MICU1: variants seen among roughly 807,000 people sequenced by gnomAD.
The protein encoded by MICU1 is calcium uptake protein 1, mitochondrial.
MICU1 carries 45 observed loss-of-function variants against 56.8 expected under a neutral mutation model. The observed-to-expected ratio is 0.79, with a 90% CI of 0.62 to 1.02. MICU1 has a LOEUF of 1.02. MICU1 is among the 50% of genes least tolerant of loss of function. The pLI is 0.00. For synonymous variants in MICU1, 186 were observed against 195.1 expected (o/e 0.95, Z 0.39); for missense variants, 504 against 587.1 (o/e 0.86, Z 1.46).
chr10:72,517,238 A>C (rs1475158737), intron 5 of MICU1, among the ~76,000 whole-genome samples: 2 of 152,146 alleles, frequency 1.3e-5, no homozygotes, highest in African/African-American at 2.4e-5. Flanking sequence ...CAAAGACCTG[A>C]TTCTACCATT....
chr10:72,401,021 A>G (rs927960647), intron 10 of MICU1, among the ~76,000 whole-genome samples: 2 of 151,954 alleles, frequency 1.3e-5, no homozygotes, highest in African/African-American at 4.8e-5. Context: ...CTGGCCTTAA[A>G]CTACTCCTGG....
intron 1 of MICU1, among the ~76,000 whole-genome samples, chr10:72,593,682 G>A (rs1288344105): frequency 1.3e-5 from 2 of 152,116 alleles, no homozygotes; most frequent in Non-Finnish European, 2.9e-5. Context: ...ATGTTTTGCA[G>A]GATACAAAGT....
intron 9 of MICU1, among the ~76,000 whole-genome samples, chr10:72,409,881 T>A (rs1024764222): frequency 6.6e-6 from 1 of 152,062 alleles, no homozygotes; most frequent in South Asian, 2.1e-4. Context: ...TTCATTTAGG[T>A]CAAGGAACAG....
At chr10:72,556,073 C>T (rs1394654821) in intron 3 of MICU1, among the ~76,000 whole-genome samples, 1 of 152,110 alleles carries the variant, frequency 6.6e-6, no homozygotes, top group African/African-American at 2.4e-5. Context: ...AAGTAGCAGG[C>T]AGAAAGGTTT....
At chr10:72,484,347 C>T (rs1589265957) in intron 6 of MICU1, among the ~76,000 whole-genome samples, 1 of 151,582 alleles carries the variant, frequency 6.6e-6, no homozygotes, top group East Asian at 1.9e-4. Context: ...TTCTTCTTAG[C>T]TCTGCTCCTT....
chr10:72,489,743 A>C (rs1248327650), intron 6 of MICU1, among the ~76,000 whole-genome samples: 3 of 152,210 alleles, frequency 2.0e-5, no homozygotes, highest in African/African-American at 7.2e-5. Flanking sequence ...ATCAGAATTA[A>C]ATGTGAAATC....
intron 8 of MICU1, among the ~76,000 whole-genome samples, chr10:72,441,609 A>AT (rs1470839651): frequency 1.8e-5 from 2 of 111,398 alleles, no homozygotes; most frequent in African/African-American, 3.0e-5. Context: ...CTTATTTTTA[A>AT]TTTTTCTTTT....
intron 5 of MICU1, among the ~76,000 whole-genome samples, chr10:72,531,235 G>T (rs1460972340): frequency 6.6e-6 from 1 of 151,972 alleles, no homozygotes; most frequent in African/African-American, 2.4e-5. Context: ...AAAAATCAAA[G>T]CAAGTCTAAA....
chr10:72,451,590 C>A (rs1167088367), intron 8 of MICU1, among the ~76,000 whole-genome samples: 1 of 152,110 alleles, frequency 6.6e-6, no homozygotes, highest in Non-Finnish European at 1.5e-5. Flanking sequence ...CTCACCCAGG[C>A]TGGAGTCCAT....
At chr10:72,391,739 T>C (rs778598691) in intron 10 of MICU1, among the ~76,000 whole-genome samples, 5 of 152,136 alleles carry the variant, frequency 3.3e-5, no homozygotes, top group African/African-American at 9.7e-5. Context: ...CCACACAGCA[T>C]AGACGTACCA....
chr10:72,446,269 C>T (rs1414014343), intron 8 of MICU1, among the ~76,000 whole-genome samples: 1 of 152,082 alleles, frequency 6.6e-6, no homozygotes, highest in Non-Finnish European at 1.5e-5. Context: ...TATTTATTTT[C>T]TTTATATGTA....
At chr10:72,391,656 A>AT (rs995603724) in intron 10 of MICU1, among the ~76,000 whole-genome samples, 1 of 151,482 alleles carries the variant, frequency 6.6e-6, no homozygotes, top group East Asian at 1.9e-4. Context: ...TTACGTGCAG[A>AT]TTTTTTTTTC....
chr10:72,512,100 G>GTTTTT lies in MICU1; in HGVS notation c.538-3836_538-3832dup, dbSNP rs1199987987. Among the ~76,000 whole-genome samples, 266 of 82,356 alleles carry GTTTTT rather than the reference G, an allele frequency of 3.2e-3. 33 individuals are homozygous for GTTTTT. The highest frequency in any genetic ancestry group is 0.01 in the African/African-American group (181 of 17,260). 54.0% of individuals were successfully genotyped at this position (82,356 alleles called of 152,430 possible). The stretch of plus-strand genomic sequence containing the variant: ...ATCAATCTGGCATCCATACACAGTT[G>GTTTTT]TTTTTTGTTTTTTTTTTTTTTTTTT... On this transcript the variant is annotated intron_variant, in intron 5 of 11. Coordinates refer to ENST00000361114, the MANE Select transcript of MICU1 (RefSeq NM_001195518.2).
rs1277823045 is a variant in MICU1 at position 72,459,033 on chromosome 10, T to C, written c.933+16067A>G. ...CATGAGCCACTGCACCTAGCCTTCA[T>C]TAAAAAAGAAACCTAGACTGGGTGT... On this transcript the variant is annotated intron_variant, in intron 8 of 11. Transcript: ENST00000361114. Among the ~76,000 whole-genome samples the C allele has an allele frequency of 2.0e-5, 3 of 152,030 alleles. No individual in the cohort carries two copies. The East Asian group carries it at 5.8e-4, about 29-fold the overall frequency.
intron 5 of MICU1, chr10:72,523,861 G>A (rs1301583346): frequency 2.0e-6 from 3 of 1,523,702 alleles, no homozygotes; most frequent in Non-Finnish European, 2.6e-6. Flanking sequence ...TCTTTTCATG[G>A]TTTTCTCCAA....
chr10:72,478,176 C>T (rs1452556955), intron 6 of MICU1, among the ~76,000 whole-genome samples: 1 of 152,008 alleles, frequency 6.6e-6, no homozygotes, highest in African/African-American at 2.4e-5. Flanking sequence ...GCCTCAGCCC[C>T]CTATTTCGAT....
At chr10:72,603,687 C>G (rs1481894230) in intron 1 of MICU1, among the ~76,000 whole-genome samples, 1 of 152,022 alleles carries the variant, frequency 6.6e-6, no homozygotes, top group Non-Finnish European at 1.5e-5. Context: ...GCCTGTAATT[C>G]CAACTACTCG....
intron 1 of MICU1, among the ~76,000 whole-genome samples, chr10:72,625,147 G>A (rs1048543494): frequency 6.6e-6 from 1 of 152,168 alleles, no homozygotes; most frequent in African/African-American, 2.4e-5. Context: ...ACCCAAACAA[G>A]TGAGATAGAA....
intron 9 of MICU1, among the ~76,000 whole-genome samples, chr10:72,410,147 CTCTT>C (rs776851618): frequency 3.0e-4 from 46 of 152,164 alleles, no homozygotes; most frequent in Non-Finnish European, 5.9e-4. Flanking sequence ...TATGGCTTCT[CTCTT>C]TAAGATTTGT....
Sources: allele counts gnomAD v4.1 joint callset (sites outside exome capture counted in the v4.1 genomes callset), GRCh38; gene constraint gnomAD v4.1.1; transcripts MANE v1.5; gene names NCBI Gene and HGNC (gene_info 2026-07-23, HGNC 2026-07-21).